Variants in RNF213 observed in about 807,000 individuals in gnomAD.
The protein encoded by RNF213 is ring finger protein 213, also known as E3 ubiquitin-protein ligase RNF213.
Under a neutral mutation model 514.4 loss-of-function variants are expected in RNF213, and 341 were observed. The ratio of observed to expected loss-of-function variants is 0.66; its 90% CI spans 0.61 to 0.73. The LOEUF is 0.73. Ranked by LOEUF, RNF213 falls within the 30% of genes least tolerant of loss-of-function variation. RNF213 has a pLI of 0.00. For missense variants in RNF213, 5,767 were observed against 6,615.6 expected (o/e 0.87, Z 4.45); for synonymous variants, 2,655 against 2,658.2 (o/e 1.00, Z 0.04).
chr17:80,319,819 T>C lies in RNF213; in HGVS notation c.3024+507T>C, dbSNP rs575892201. The C allele has an allele frequency of 5.0e-6, 6 of 1,209,618 alleles. No individual in the cohort carries two copies. In the South Asian group the frequency reaches 9.9e-5, roughly 20 times the overall value. The allele number at this position is 1,209,618 out of a possible 1,614,324, so 74.9% of individuals were successfully genotyped here. A position where few individuals can be genotyped will look rare whatever the true frequency, so the allele number is the denominator to read the frequency against. On this transcript the variant is annotated intron_variant, in intron 17 of 67. Coordinates refer to ENST00000582970, the MANE Select transcript of RNF213 (RefSeq NM_001256071.3). ...GAACAGTCTCGCAGGCAATGCCACA[T>C]GAGGAAGCTCCCTGCTGGCCACGGC...
chr17:80,262,455 A>T (rs974797749), intron 1 of RNF213, among the ~76,000 whole-genome samples: 1 of 152,016 alleles, frequency 6.6e-6, no homozygotes, highest in African/African-American at 2.4e-5. Context: ...TTGTGCAGAT[A>T]ATCACTCAGG....
At position 80,317,707 on chromosome 17, in the gene RNF213, C is replaced by T. The variant is rs991261036; in HGVS notation, c.2901+430C>T. Among the ~76,000 whole-genome samples the T allele has an allele frequency of 6.6e-6, 1 of 152,164 alleles. No individual in the cohort carries two copies. ...TGCCCAGATTGAGGTGCCTGCAACC[C>T]CCGAAGCTCCAGAGGGCATGTTACA... On this transcript the variant is annotated intron_variant, in intron 16 of 67. Coordinates refer to ENST00000582970, the MANE Select transcript of RNF213 (RefSeq NM_001256071.3). The surrounding 1 kb of genome is among the most constrained non-coding windows in gnomAD (Gnocchi z 4.1).
chr17:80,393,192 G>T (rs1295257582), intron 67 of RNF213, among the ~76,000 whole-genome samples, 153 bp from the exon 68 acceptor site: 1 of 151,814 alleles, frequency 6.6e-6, no homozygotes, highest in African/African-American at 2.4e-5. Flanking sequence ...TGTTGCCCAG[G>T]CTGGTCTTGA....
intron 6 of RNF213, 148 bp from the exon 7 acceptor site, chr17:80,290,420 TGC>T: frequency 1.1e-6 from 1 of 897,858 alleles, no homozygotes. Flanking sequence ...TGTGCGTGTG[TGC>T]GAGTGTGCGC....
In RNF213 at chr17:80,377,838, C is replaced by T. The variant is rs1365492044; in HGVS notation, c.13545+42C>T. 1 of 1,610,372 alleles carries T rather than the reference C, an allele frequency of 6.2e-7. No homozygotes were observed. Among genetic ancestry groups the T allele is most frequent in the Non-Finnish European group, 8.5e-7 (1 of 1,176,618 alleles). The stretch of plus-strand genomic sequence containing the variant: ...AAGATAGGGTTTGAGGGGTGGCGTG[C>T]ACTCCTGGGTTGGAGGAGGGGGATC... On this transcript the variant is annotated intron_variant, in intron 54 of 67. Coordinates refer to ENST00000582970, the MANE Select transcript of RNF213 (RefSeq NM_001256071.3). The surrounding 1 kb of genome is among the most constrained non-coding windows in gnomAD (Gnocchi z 4.1).
At position 80,345,644 on chromosome 17, in the gene RNF213, C is replaced by T. The variant is rs771304386; in HGVS notation, c.7309C>T (p.Arg2437Trp). Residue 2437 changes from arginine (R) to tryptophan (W), a missense_variant, in exon 29 of 68, where the codon CGG becomes TGG. Around this residue, in one of 13 missense-constraint regions of RNF213, gnomAD observed 1,377 missense variants for 1,635.2 expected, o/e 0.84. Coordinates refer to ENST00000582970, the MANE Select transcript of RNF213 (RefSeq NM_001256071.3). The surrounding 1 kb of genome is among the most constrained non-coding windows in gnomAD (Gnocchi z 6.0). ...GCTTATTAAATTCCTTAGCGACCTG[C>T]GGCGTGGTGGTACCAATGCTGACAC... The part of the protein sequence containing the change: ...TRLIKFLSDL[R>W]RGGTNADTIK... 1.5e-5 allele frequency: 24 copies of T among 1,614,052 alleles called. No individual in the cohort carries two copies. Among genetic ancestry groups the T allele is most frequent in the African/African-American group, 4.0e-5 (3 of 74,912 alleles).
chr17:80,364,883 A>C (rs577000360), intron 42 of RNF213: 26 of 356,284 alleles, frequency 7.3e-5, no homozygotes, highest in African/African-American at 2.1e-4. Context: ...AGAACAGACC[A>C]CTAGCCTGGC....
intron 2 of RNF213, among the ~76,000 whole-genome samples, chr17:80,269,397 G>A (rs567395578): frequency 2.0e-5 from 3 of 148,654 alleles, no homozygotes; most frequent in African/African-American, 4.9e-5. Flanking sequence ...CTATCCATCT[G>A]TCCTATCATC....
At chr17:80,280,312 C>T (rs906744082) in intron 3 of RNF213, among the ~76,000 whole-genome samples, 7 of 152,144 alleles carry the variant, frequency 4.6e-5, no homozygotes, top group African/African-American at 1.4e-4. Flanking sequence ...CAGTGAAGTC[C>T]GTGGAGAGGT....
Position 80,347,016 on chromosome 17 carries a change from T to C in RNF213, c.8681T>C (p.Met2894Thr), listed in dbSNP as rs774787395. ...AACTGGGCCCTTGACCCTGCCAAGA[T>C]GAACCGGGGCATTTTTGTGTCACGT... The part of the protein sequence containing the change: ...ISNWALDPAK[M>T]NRGIFVSRGS... Residue 2894 changes from methionine to threonine, a missense_variant, in exon 29 of 68, where the codon ATG becomes ACG. Met to Thr is a moderately conservative substitution (Grantham distance 81). This residue lies in a region of RNF213 where 919 missense variants were observed against 1,121.0 expected (regional missense o/e 0.82). Coordinates refer to ENST00000582970, the MANE Select transcript of RNF213 (RefSeq NM_001256071.3). This position sits in a 1 kb window ranked among gnomAD's most constrained non-coding sequence, Gnocchi z 7.2. 6.2e-7 allele frequency: 1 copy of C among 1,613,966 alleles called. No homozygotes were observed. The highest frequency in any genetic ancestry group is 8.5e-7 in the Non-Finnish European group (1 of 1,179,944).
chr17:80,376,847 T>C, intron 52 of RNF213, 35 bp from the exon 53 acceptor site: 1 of 1,578,904 alleles, frequency 6.3e-7, no homozygotes, highest in Non-Finnish European at 8.7e-7. Context: ...ACAAGCTCAC[T>C]TATCTAGAGC....
At chr17:80,376,624 T>C (rs1345004457) in intron 52 of RNF213, 81 bp downstream of exon 52, 3 of 1,588,062 alleles carry the variant, frequency 1.9e-6, no homozygotes, top group Non-Finnish European at 2.6e-6. Flanking sequence ...GCTGCAGCTG[T>C]GGGAACTCTT....
intron 3 of RNF213, among the ~76,000 whole-genome samples, chr17:80,275,092 G>A (rs1409824834): frequency 2.2e-5 from 3 of 139,464 alleles, no homozygotes; most frequent in Non-Finnish European, 4.7e-5. Context: ...GGTGTGTTGG[G>A]TGTGTGTGTG....
intron 2 of RNF213, among the ~76,000 whole-genome samples, chr17:80,270,665 G>A (rs2043791650): frequency 3.3e-5 from 5 of 152,120 alleles, no homozygotes; most frequent in African/African-American, 4.8e-5. Context: ...TTCCTTGAGC[G>A]GCCTGTCTGT....
Position 80,294,938 on chromosome 17 carries a change from C to A in RNF213, c.1690C>A (p.Gln564Lys). Residue 564 changes from glutamine to lysine, a missense_variant, in exon 9 of 68, where the codon CAA (glutamine) becomes AAA (lysine). Around this residue, in one of 13 missense-constraint regions of RNF213, gnomAD observed 592 missense variants for 673.9 expected, o/e 0.88. Coordinates refer to ENST00000582970, the MANE Select transcript of RNF213 (RefSeq NM_001256071.3). Reference sequence around the variant, plus strand: ...GTTCGAGCAGTTTTGCTTTGTCCTGCAACAGCCTATGATTTATGAAGGACA... The same window carrying A: ...GTTCGAGCAGTTTTGCTTTGTCCTGAAACAGCCTATGATTTATGAAGGACA... ...TQFEQFCFVL[Q>K]QPMIYEGQAQ... 1 of 1,614,192 alleles carries A rather than the reference C, an allele frequency of 6.2e-7. No homozygotes were observed. The highest frequency in any genetic ancestry group is 8.5e-7 in the Non-Finnish European group (1 of 1,180,042).
In RNF213 at chr17:80,325,209, G is replaced by A. The variant is rs1461649783; in HGVS notation, c.3193+11G>A. 14 of 1,521,818 alleles carry A rather than the reference G, an allele frequency of 9.2e-6. No homozygotes were observed. Among genetic ancestry groups the A allele is most frequent in the East Asian group, 2.5e-5 (1 of 40,586 alleles). 94.3% of individuals were successfully genotyped at this position (1,521,818 alleles called of 1,614,324 possible). A position where few individuals can be genotyped will look rare whatever the true frequency, so the allele number is the denominator to read the frequency against. On this transcript the variant is annotated intron_variant, in intron 18 of 67. Transcript: ENST00000582970. ...TCTTCAGATTGTGTGGTATGTTTGC[G>A]GGAGTGCTGGGAACATCAGCTCAGG... is the stretch of plus-strand genomic sequence containing the variant.
chr17:80,319,606 G>T (rs1339284803), intron 17 of RNF213: 38 of 1,549,986 alleles, frequency 2.5e-5, no homozygotes, highest in Non-Finnish European at 3.3e-5. Flanking sequence ...CCGTTCCTCA[G>T]ATGGCCCTGT....
At chr17:80,383,545 C>A in intron 58 of RNF213, 132 bp from the exon 59 acceptor site, 1 of 880,548 alleles carries the variant, frequency 1.1e-6, no homozygotes, top group South Asian at 1.4e-5. Flanking sequence ...AAGGGAATAC[C>A]TGATTACATG....
rs1424303414 is a variant in RNF213, at chr17:80,389,898, AGCTGCTGCG to A, written c.15272_15280del (p.Leu5091_Leu5093del). The A allele has an allele frequency of 6.2e-7, 1 of 1,614,100 alleles. No homozygotes were observed. Among genetic ancestry groups the A allele is most frequent in the African/African-American group, 1.3e-5 (1 of 74,946 alleles). Reference sequence around the variant, plus strand: ...TTCCTGTCTGCTCATAAGTCTGAACAGCTGCTGCGGCTGCACAAAGTAAGTCTGGTCTCT... The same window carrying A: ...TTCCTGTCTGCTCATAAGTCTGAACAGCTGCACAAAGTAAGTCTGGTCTCT... On this transcript the variant is annotated inframe_deletion, in exon 66 of 68. Coordinates refer to ENST00000582970, the MANE Select transcript of RNF213 (RefSeq NM_001256071.3).
Sources: allele counts gnomAD v4.1 joint callset (sites outside exome capture counted in the v4.1 genomes callset), GRCh38; gene constraint gnomAD v4.1.1; regional missense constraint gnomAD v4.1.1; non-coding constraint Gnocchi (gnomAD v3.1); transcripts MANE v1.5; gene names NCBI Gene and HGNC (gene_info 2026-07-23, HGNC 2026-07-21).